Variants in MACROD2 observed in about 807,000 individuals in gnomAD.
MACROD2 encodes the protein ADP-ribose glycohydrolase MACROD2.
Under a neutral mutation model 70.4 loss-of-function variants are expected in MACROD2, and 36 were observed. The ratio of observed to expected loss-of-function variants is 0.51; its 90% confidence interval spans 0.39 to 0.68. The LOEUF (loss-of-function observed/expected upper bound fraction) is 0.68. MACROD2 is among the 30% of genes least tolerant of loss of function. The probability of loss-of-function intolerance (pLI) is 0.00; values close to 1 mark genes in which losing one functional copy is unlikely to be tolerated. For synonymous variants in MACROD2, 172 were observed against 178.8 expected (o/e 0.96, Z 0.30); for missense variants, 496 against 538.4 (o/e 0.92, Z 0.78).
At chr20:14,795,259 T>G (rs972451246) in intron 5 of MACROD2, among the ~76,000 whole-genome samples, 1 of 152,114 alleles carries the variant, frequency 6.6e-6, no homozygotes, top group African/African-American at 2.4e-5. Flanking sequence ...TAAAAGTCAC[T>G]CTGTTGACTG....
chr20:14,047,613 CAT>C (rs531212421), intron 2 of MACROD2, among the ~76,000 whole-genome samples: 15 of 151,932 alleles, frequency 9.9e-5, no homozygotes, highest in African/African-American at 2.2e-4. Context: ...ATCTTGTACT[CAT>C]GTGTATATCT....
intron 3 of MACROD2, among the ~76,000 whole-genome samples, chr20:14,146,051 G>T (rs1028186827): frequency 1.3e-5 from 2 of 152,150 alleles, no homozygotes; most frequent in Non-Finnish European, 2.9e-5. Context: ...GGCCAGGCGC[G>T]GTGGCTCACG....
intron 8 of MACROD2, among the ~76,000 whole-genome samples, chr20:15,797,305 C>T (rs909791702): frequency 6.6e-6 from 1 of 152,078 alleles, no homozygotes; most frequent in Non-Finnish European, 1.5e-5. Context: ...TTAGTAGAGA[C>T]GGGGTTTCAC....
At chr20:14,397,089 G>T (rs1210727085) in intron 3 of MACROD2, among the ~76,000 whole-genome samples, 1 of 149,364 alleles carries the variant, frequency 6.7e-6, no homozygotes, top group African/African-American at 2.5e-5. Flanking sequence ...CCGCCTTCTG[G>T]GTTCACACCA....
At chr20:14,661,272 T>C (rs532191294) in intron 4 of MACROD2, among the ~76,000 whole-genome samples, 3 of 152,192 alleles carry the variant, frequency 2.0e-5, no homozygotes, top group Non-Finnish European at 4.4e-5. Context: ...TATCTCGTTG[T>C]GGTTTTGATT....
At chr20:14,926,265 A>C (rs2074230297) in intron 5 of MACROD2, among the ~76,000 whole-genome samples, 1 of 152,042 alleles carries the variant, frequency 6.6e-6, no homozygotes, top group Non-Finnish European at 1.5e-5. Context: ...AATAGGGAGC[A>C]CTGGCCAGGT....
intron 17 of MACROD2, among the ~76,000 whole-genome samples, chr20:16,049,369 T>C (rs1165490821): frequency 6.6e-6 from 1 of 152,110 alleles, no homozygotes. Context: ...TGTCCTCTCA[T>C]GGGTAGTGAA....
intron 16 of MACROD2, 132 bp downstream of exon 16, chr20:16,041,410 C>T (rs1399460366): frequency 3.0e-6 from 2 of 673,264 alleles, no homozygotes; most frequent in Non-Finnish European, 4.8e-6. Flanking sequence ...ATTTCAAAAA[C>T]AATTTTGTGC....
chr20:15,705,190 G>C (rs1057049026), intron 8 of MACROD2, among the ~76,000 whole-genome samples: 1 of 152,002 alleles, frequency 6.6e-6, no homozygotes, highest in African/African-American at 2.4e-5. Flanking sequence ...TAAAATTTTA[G>C]TTGGTCTAAA....
At position 15,750,422 on chromosome 20, in the gene MACROD2, C is replaced by T. The variant is rs573748900; in HGVS notation, c.646-112323C>T. ...GTTGGTGGGCTTGTCCTCGAGAAAA[C>T]GTAGTTTTCATAATTTTAATTTGAC... is the stretch of plus-strand genomic sequence containing the variant. On this transcript the variant is annotated intron_variant, in intron 8 of 17. Coordinates refer to ENST00000684519, the MANE Select transcript of MACROD2 (RefSeq NM_001351661.2). Among the ~76,000 whole-genome samples the T allele has an allele frequency of 5.9e-5, 9 of 152,030 alleles. No individual in the cohort carries two copies. In the South Asian group the frequency reaches 1.0e-3, roughly 18 times the overall value.
chr20:14,453,265 C>T (rs1056788185), intron 3 of MACROD2, among the ~76,000 whole-genome samples: 1 of 152,038 alleles, frequency 6.6e-6, no homozygotes, highest in African/African-American at 2.4e-5. Context: ...ATATGGTTCC[C>T]CTCTGATGTG....
chr20:14,599,887 C>T (rs1230269717), intron 4 of MACROD2, among the ~76,000 whole-genome samples: 1 of 152,070 alleles, frequency 6.6e-6, no homozygotes, highest in African/African-American at 2.4e-5. Flanking sequence ...TGAGCCCATG[C>T]GATGTGGAGG....
At chr20:15,427,861 AT>A (rs1259659786) in intron 6 of MACROD2, among the ~76,000 whole-genome samples, 2 of 152,192 alleles carry the variant, frequency 1.3e-5, no homozygotes, top group Admixed American at 6.5e-5. Flanking sequence ...ACAAGGGGTG[AT>A]TTTTTCCCCC....
intron 2 of MACROD2, among the ~76,000 whole-genome samples, chr20:14,045,890 A>C (rs1248910245): frequency 6.6e-6 from 1 of 152,242 alleles, no homozygotes; most frequent in Non-Finnish European, 1.5e-5. Flanking sequence ...CTTGAAAAAT[A>C]TTAAATGGGT....
intron 9 of MACROD2, among the ~76,000 whole-genome samples, chr20:15,871,149 C>T (rs60360268): frequency 0.049 from 6,532 of 133,062 alleles, 314 homozygotes; most frequent in East Asian, 0.15. Flanking sequence ...GCACTCCAGT[C>T]TGGGTGACAG....
intron 4 of MACROD2, among the ~76,000 whole-genome samples, chr20:14,676,449 G>A (rs562070397): frequency 1.4e-4 from 21 of 152,116 alleles, no homozygotes; most frequent in Admixed American, 2.6e-4. Flanking sequence ...AACTGAACAA[G>A]CTGTTCCTGA....
chr20:15,794,558 CCCTAA>C (rs1266479945), intron 8 of MACROD2, among the ~76,000 whole-genome samples: 1 of 152,128 alleles, frequency 6.6e-6, no homozygotes, highest in African/African-American at 2.4e-5. Flanking sequence ...TTCTCCTTTC[CCCTAA>C]AGATCAAATC....
intron 4 of MACROD2, among the ~76,000 whole-genome samples, chr20:14,634,050 C>T (rs1984651982): frequency 6.6e-6 from 1 of 152,192 alleles, no homozygotes; most frequent in South Asian, 2.1e-4. Flanking sequence ...CACTTTGGGT[C>T]CAGGAGCATT....
chr20:14,175,046 G>T lies in MACROD2; in HGVS notation c.271+89318G>T, dbSNP rs148098885. 7.8e-4 allele frequency among the ~76,000 whole-genome samples: 118 copies of T among 152,206 alleles called. 1 individual carries two copies. The highest frequency in any genetic ancestry group is 2.8e-3 in the African/African-American group (116 of 41,528). ...AGCAGTTTTTCAGCTGTCTCTTGGG[G>T]CCTGCAACAGCAATCTTCCTTCTTC... On this transcript the variant is annotated intron_variant, in intron 3 of 17. Coordinates refer to ENST00000684519, the MANE Select transcript of MACROD2 (RefSeq NM_001351661.2).
Sources: gnomAD v4.1 joint callset for allele counts (sites outside exome capture counted in the v4.1 genomes callset) on GRCh38, gnomAD v4.1.1 for gene constraint, MANE v1.5 for transcripts, NCBI Gene and HGNC (gene_info 2026-07-23, HGNC 2026-07-21) for gene names.